TMCO4: variants seen among roughly 807,000 people sequenced by gnomAD.
TMCO4 encodes the protein transmembrane and coiled-coil domains 4.
In TMCO4, 58 loss-of-function variants were observed where a neutral mutation model predicts 64.7. The ratio of observed to expected loss-of-function variants is 0.90; its 90% CI spans 0.73 to 1.12. TMCO4 has a LOEUF of 1.12. TMCO4 is among the 50% of genes most tolerant of loss of function. The probability of loss-of-function intolerance (pLI) is 0.00; values close to 1 mark genes in which losing one functional copy is unlikely to be tolerated. For missense variants in TMCO4, 780 were observed against 825.9 expected (o/e 0.94, Z 0.68); for synonymous variants, 325 against 346.1 (o/e 0.94, Z 0.68).
At chr1:19,771,869 G>A (rs1484986163) in intron 4 of TMCO4, among the ~76,000 whole-genome samples, 2 of 152,136 alleles carry the variant, frequency 1.3e-5, no homozygotes, top group Non-Finnish European at 2.9e-5. Flanking sequence ...TGTTGGCCAG[G>A]CTGGTCTTGA....
intron 5 of TMCO4, 74 bp from the exon 6 acceptor site, chr1:19,770,643 C>T (rs1173128853): frequency 6.7e-7 from 1 of 1,490,068 alleles, no homozygotes; most frequent in Non-Finnish European, 9.2e-7. Context: ...CAAATATTGA[C>T]TCCTACCAAG....
chr1:19,737,752 C>G (rs1365390772), intron 12 of TMCO4, among the ~76,000 whole-genome samples: 1 of 152,262 alleles, frequency 6.6e-6, no homozygotes, highest in Non-Finnish European at 1.5e-5. Flanking sequence ...TCTCATCTTC[C>G]CCAGGAGACA....
chr1:19,709,283 C>T (rs1044562357), intron 13 of TMCO4, among the ~76,000 whole-genome samples: 1 of 82,066 alleles, frequency 1.2e-5, no homozygotes, highest in East Asian at 4.4e-4. Context: ...ACTAACATCC[C>T]GGCGGGGGGG....
intron 2 of TMCO4, among the ~76,000 whole-genome samples, chr1:19,792,525 G>A (rs2044095970): frequency 1.3e-5 from 2 of 152,156 alleles, no homozygotes; most frequent in African/African-American, 4.8e-5. Context: ...GTTGACTGAT[G>A]CCATAAACAA....
chr1:19,745,948 C>G (rs2041760342), intron 9 of TMCO4, among the ~76,000 whole-genome samples: 1 of 152,140 alleles, frequency 6.6e-6, no homozygotes, highest in African/African-American at 2.4e-5. Flanking sequence ...TTTCTCCTGC[C>G]CACACACCGC....
chr1:19,718,216 T>C (rs981879018), intron 13 of TMCO4, among the ~76,000 whole-genome samples: 2 of 152,040 alleles, frequency 1.3e-5, no homozygotes, highest in Admixed American at 6.6e-5. Flanking sequence ...GCACCTGTAA[T>C]CCCAGCTACT....
At chr1:19,755,144 A>G (rs2042188915) in intron 7 of TMCO4, among the ~76,000 whole-genome samples, 1 of 152,028 alleles carries the variant, frequency 6.6e-6, no homozygotes, top group Non-Finnish European at 1.5e-5. Context: ...TTCTTTTTTG[A>G]GACAAGAGTC....
chr1:19,700,284 G>A (rs769688724), intron 14 of TMCO4, among the ~76,000 whole-genome samples: 7 of 152,018 alleles, frequency 4.6e-5, no homozygotes, highest in Non-Finnish European at 8.8e-5. Flanking sequence ...GCACGCTGGC[G>A]GCCTCCTGTT....
At chr1:19,719,169 G>T (rs938735158) in intron 13 of TMCO4, among the ~76,000 whole-genome samples, 7 of 152,176 alleles carry the variant, frequency 4.6e-5, no homozygotes, top group Non-Finnish European at 7.3e-5. Context: ...CATGGTCCGG[G>T]TTTGTAAGCT....
chr1:19,700,605 C>T (rs750050859), intron 14 of TMCO4, among the ~76,000 whole-genome samples, 163 bp downstream of exon 14: 2 of 152,222 alleles, frequency 1.3e-5, no homozygotes, highest in African/African-American at 2.4e-5. Flanking sequence ...GATCAGATCA[C>T]CAGGCCTGGG....
intron 4 of TMCO4, among the ~76,000 whole-genome samples, chr1:19,774,205 A>G (rs906714633): frequency 6.6e-6 from 1 of 152,226 alleles, no homozygotes; most frequent in Non-Finnish European, 1.5e-5. Flanking sequence ...TTAGAAGCAA[A>G]TTTATATACA....
At chr1:19,771,760 G>A (rs540127884) in intron 4 of TMCO4, among the ~76,000 whole-genome samples, 1 of 152,264 alleles carries the variant, frequency 6.6e-6, no homozygotes, top group East Asian at 1.9e-4. Context: ...GGGTTCAAGT[G>A]ATTCTCCTGC....
chr1:19,689,462 A>G (rs10159394), intron 15 of TMCO4, among the ~76,000 whole-genome samples: 93,980 of 152,024 alleles, frequency 0.62, 29,348 homozygotes, highest in Non-Finnish European at 0.65. Flanking sequence ...CCTACTATGC[A>G]CCAAGCATCT....
rs550878574 is a variant in TMCO4, at chr1:19,732,711, G to A, written c.1264+4661C>T. On this transcript the variant is annotated intron_variant, in intron 13 of 15. Transcript: ENST00000294543. This position sits in a 1 kb window ranked among gnomAD's most constrained non-coding sequence, Gnocchi z 4.8. ...TTCGAGACCAGCCTCGGCAACACAG[G>A]GAGACCCTGTCTTTAAAAAAATGAA... 2.6e-5 allele frequency among the ~76,000 whole-genome samples: 4 copies of A among 151,772 alleles called. No homozygotes were observed. The highest frequency in any genetic ancestry group is 9.7e-5 in the African/African-American group (4 of 41,440).
intron 7 of TMCO4, among the ~76,000 whole-genome samples, chr1:19,748,868 A>G (rs912595074): frequency 6.8e-6 from 1 of 146,508 alleles, no homozygotes; most frequent in Non-Finnish European, 1.5e-5. Flanking sequence ...AATAAAATAC[A>G]TAAGTAAACA....
At chr1:19,694,202 A>C (rs2095219191) in intron 15 of TMCO4, among the ~76,000 whole-genome samples, 1 of 152,130 alleles carries the variant, frequency 6.6e-6, no homozygotes, top group African/African-American at 2.4e-5. Context: ...GGGTTTTGCC[A>C]TGTCGCCCAG....
chr1:19,775,910 TTTTG>T (rs547855958), intron 4 of TMCO4, among the ~76,000 whole-genome samples: 5 of 152,212 alleles, frequency 3.3e-5, no homozygotes, highest in Non-Finnish European at 7.3e-5. Context: ...TATTTATTTA[TTTTG>T]TTTATTAGTT....
intron 13 of TMCO4, among the ~76,000 whole-genome samples, chr1:19,731,311 T>C (rs188408219): frequency 1.1e-3 from 162 of 152,304 alleles, no homozygotes; most frequent in Non-Finnish European, 1.6e-3. Context: ...CTACTCCCAT[T>C]TATTAACAGT....
intron 2 of TMCO4, among the ~76,000 whole-genome samples, chr1:19,794,245 G>T (rs556205237): frequency 2.0e-5 from 3 of 152,118 alleles, no homozygotes; most frequent in Non-Finnish European, 1.5e-5. Flanking sequence ...CTTCAGTGCA[G>T]CCACCCTACC....
Sources: allele counts gnomAD v4.1 joint callset (sites outside exome capture counted in the v4.1 genomes callset), GRCh38; gene constraint gnomAD v4.1.1; non-coding constraint Gnocchi (gnomAD v3.1); transcripts MANE v1.5; gene names NCBI Gene and HGNC (gene_info 2026-07-23, HGNC 2026-07-21).